GFRA1: variants seen among roughly 807,000 people sequenced by gnomAD.
The protein encoded by GFRA1 is GDNF family receptor alpha 1.
GFRA1 carries 16 observed loss-of-function variants against 51.6 expected under a neutral mutation model. The observed-to-expected ratio is 0.31, with a 90% confidence interval of 0.21 to 0.47. GFRA1 has a LOEUF of 0.47. Among genes scored for constraint, GFRA1 ranks in the 20% least tolerant of loss-of-function variants. The probability of loss-of-function intolerance (pLI) is 1.00; values close to 1 mark genes in which losing one functional copy is unlikely to be tolerated. For missense variants in GFRA1, 530 were observed against 594.3 expected, an observed-to-expected ratio of 0.89 and a Z score of 1.13; for synonymous variants, 270 against 241.3, an observed-to-expected ratio of 1.12 and a Z score of -1.10.
At chr10:116,142,940 C>T (rs982086483) in intron 5 of GFRA1, among the ~76,000 whole-genome samples, 4 of 152,162 alleles carry the variant, frequency 2.6e-5, no homozygotes, top group South Asian at 2.1e-4. Flanking sequence ...ATGCTATTCA[C>T]GACTTCCTGC....
At chr10:116,165,056 T>C (rs1032536433) in intron 5 of GFRA1, among the ~76,000 whole-genome samples, 4 of 152,226 alleles carry the variant, frequency 2.6e-5, no homozygotes, top group Non-Finnish European at 5.9e-5. Flanking sequence ...TTTAGAATTG[T>C]TCTTCAGACT....
rs1433337746 is a variant in GFRA1 at position 116,176,119 on chromosome 10, G to A, written c.433+35512C>T. On this transcript the variant is annotated intron_variant, in intron 5 of 10. Coordinates refer to ENST00000355422, the MANE Select transcript of GFRA1 (RefSeq NM_005264.8). ...TGAACCTATGCTTTTATAGCCCAAG[G>A]ATTTTAAAGCTATAAATGTCACATG... Among the ~76,000 whole-genome samples, 3 of 152,156 alleles carry A rather than the reference G, an allele frequency of 2.0e-5. No individual in the cohort carries two copies. The East Asian group carries it at 5.8e-4, about 29-fold the overall frequency.
chr10:116,093,306 C>T (rs182231483), intron 8 of GFRA1, among the ~76,000 whole-genome samples: 5 of 152,282 alleles, frequency 3.3e-5, no homozygotes, highest in Admixed American at 3.3e-4. Context: ...TATATTCCGC[C>T]CAGGTTTCAA....
chr10:116,196,274 G>T (rs543553356), intron 5 of GFRA1, among the ~76,000 whole-genome samples: 1 of 151,020 alleles, frequency 6.6e-6, no homozygotes, highest in African/African-American at 2.4e-5. Flanking sequence ...TGGATCACAA[G>T]GTCAGGAGCT....
At chr10:116,143,655 ATTCT>A (rs955169627) in intron 5 of GFRA1, among the ~76,000 whole-genome samples, 5 of 58,786 alleles carry the variant, frequency 8.5e-5, no homozygotes, top group African/African-American at 4.6e-4. Flanking sequence ...AGTTTCATTC[ATTCT>A]CTCTCTCTCT....
chr10:116,120,069 G>C (rs995470419), intron 6 of GFRA1, among the ~76,000 whole-genome samples: 9 of 152,188 alleles, frequency 5.9e-5, no homozygotes, highest in African/African-American at 1.9e-4. Flanking sequence ...CCTGGGGAAT[G>C]GTAGAACCAT....
At position 116,091,402 on chromosome 10, in the gene GFRA1, AG is replaced by A. The variant is rs1325783450; in HGVS notation, c.1016-1481del. Among the ~76,000 whole-genome samples the A allele has an allele frequency of 2.6e-5, 4 of 152,316 alleles. No individual in the cohort carries two copies. In the East Asian group the frequency reaches 7.7e-4, roughly 29 times the overall value. ...ACACTAGGCAGTGAGAAATGCTTGG[AG>A]AAAATTAAGCAAGGGAGCGCCAGAG... On this transcript the variant is annotated intron_variant, in intron 8 of 10. Coordinates refer to ENST00000355422, the MANE Select transcript of GFRA1 (RefSeq NM_005264.8).
At chr10:116,259,293 G>T (rs11816383) in intron 4 of GFRA1, among the ~76,000 whole-genome samples, 20,689 of 150,562 alleles carry the variant, frequency 0.14, 1,679 homozygotes, top group East Asian at 0.28. Context: ...GCACATTAGG[G>T]CACCTTAAAG....
intron 5 of GFRA1, among the ~76,000 whole-genome samples, chr10:116,169,952 G>A (rs1355953659): frequency 2.0e-5 from 3 of 152,094 alleles, no homozygotes; most frequent in African/African-American, 7.2e-5. Flanking sequence ...ACATTGCTGT[G>A]GGCTGGTATG....
chr10:116,224,125 C>T (rs1966114954), intron 4 of GFRA1, among the ~76,000 whole-genome samples: 1 of 152,134 alleles, frequency 6.6e-6, no homozygotes, highest in South Asian at 2.1e-4. Context: ...TTGTAAATTA[C>T]CCAGCCTTGG....
At chr10:116,228,519 A>T (rs1348497967) in intron 4 of GFRA1, among the ~76,000 whole-genome samples, 1 of 152,216 alleles carries the variant, frequency 6.6e-6, no homozygotes, top group African/African-American at 2.4e-5. Context: ...GATTAAATTA[A>T]GGATCTGGAG....
intron 9 of GFRA1, among the ~76,000 whole-genome samples, chr10:116,083,330 C>A (rs907392298): frequency 6.6e-6 from 1 of 152,184 alleles, no homozygotes. Context: ...TCTTCCCAGG[C>A]CTCCTCTCCT....
At chr10:116,125,006 G>T (rs2134020169) in intron 6 of GFRA1, among the ~76,000 whole-genome samples, 1 of 152,318 alleles carries the variant, frequency 6.6e-6, no homozygotes, top group South Asian at 2.1e-4. Context: ...TCAGGTTAAA[G>T]ATGGGAACTT....
intron 7 of GFRA1, among the ~76,000 whole-genome samples, chr10:116,096,177 A>G (rs1956564809): frequency 6.6e-6 from 1 of 152,164 alleles, no homozygotes; most frequent in South Asian, 2.1e-4. Flanking sequence ...CAAGAACATT[A>G]ACAGCAAGCA....
intron 4 of GFRA1, among the ~76,000 whole-genome samples, chr10:116,249,957 C>T (rs1474725606): frequency 6.6e-6 from 1 of 152,066 alleles, no homozygotes; most frequent in Non-Finnish European, 1.5e-5. Flanking sequence ...TGATATTTAG[C>T]GAAGTGGTCT....
At chr10:116,228,520 G>A (rs993157835) in intron 4 of GFRA1, among the ~76,000 whole-genome samples, 3 of 152,156 alleles carry the variant, frequency 2.0e-5, no homozygotes, top group Non-Finnish European at 4.4e-5. Flanking sequence ...ATTAAATTAA[G>A]GATCTGGAGA....
intron 8 of GFRA1, among the ~76,000 whole-genome samples, chr10:116,092,681 A>G (rs1956401712): frequency 6.6e-6 from 1 of 152,080 alleles, no homozygotes; most frequent in South Asian, 2.1e-4. Flanking sequence ...TCAGATCCTA[A>G]CTCTGGCATG....
intron 9 of GFRA1, among the ~76,000 whole-genome samples, chr10:116,071,641 G>T (rs912841121): frequency 6.6e-6 from 1 of 152,208 alleles, no homozygotes; most frequent in Non-Finnish European, 1.5e-5. Flanking sequence ...GACAGTCAGA[G>T]TTGAACTGTG....
chr10:116,206,645 T>TTTTTTG (rs1964786570), intron 5 of GFRA1, among the ~76,000 whole-genome samples: 2 of 91,278 alleles, frequency 2.2e-5, no homozygotes, highest in Non-Finnish European at 2.2e-5. Context: ...TTTTTTTTTT[T>TTTTTTG]GAGACGGAGC....
Sources: gnomAD v4.1 joint callset for allele counts (sites outside exome capture counted in the v4.1 genomes callset) on GRCh38, gnomAD v4.1.1 for gene constraint, MANE v1.5 for transcripts, NCBI Gene and HGNC (gene_info 2026-07-23, HGNC 2026-07-21) for gene names.